Variants in OTUD7A observed in about 807,000 individuals in gnomAD.
OTUD7A encodes OTU deubiquitinase 7A.
Under a neutral mutation model 65.7 loss-of-function variants are expected in OTUD7A, and 12 were observed. The ratio of observed to expected loss-of-function variants is 0.18; its 90% CI spans 0.12 to 0.30. The LOEUF is 0.30. OTUD7A is among the 10% of genes least tolerant of loss of function. The pLI, the probability that OTUD7A is intolerant of heterozygous loss-of-function variation, is 1.00. For synonymous variants in OTUD7A, 641 were observed against 586.3 expected (o/e 1.09, Z -1.35); for missense variants, 1,148 against 1,304.8 (o/e 0.88, Z 1.85).
chr15:31,595,069 T>C (rs1889862376), intron 3 of OTUD7A, among the ~76,000 whole-genome samples: 1 of 152,088 alleles, frequency 6.6e-6, no homozygotes, highest in Non-Finnish European at 1.5e-5. Flanking sequence ...TCTGAAGAAA[T>C]GAGGAAGGGA....
chr15:31,574,399 T>A (rs181851561), intron 3 of OTUD7A, among the ~76,000 whole-genome samples: 6 of 152,332 alleles, frequency 3.9e-5, no homozygotes, highest in African/African-American at 1.4e-4. Flanking sequence ...ATTTTTACAT[T>A]ATCTCTAAAA....
intron 4 of OTUD7A, among the ~76,000 whole-genome samples, chr15:31,566,310 G>A (rs942688336): frequency 1.9e-4 from 29 of 152,258 alleles, no homozygotes; most frequent in Non-Finnish European, 4.1e-4. Context: ...TTGTGTATGG[G>A]AAAATATTCT....
At chr15:31,594,235 C>A (rs185323541) in intron 3 of OTUD7A, among the ~76,000 whole-genome samples, 1 of 152,104 alleles carries the variant, frequency 6.6e-6, no homozygotes, top group East Asian at 1.9e-4. Context: ...GAGATCTGCA[C>A]GGTACTTAAG....
intron 3 of OTUD7A, among the ~76,000 whole-genome samples, chr15:31,605,735 G>A (rs144722415): frequency 9.1e-4 from 138 of 152,310 alleles, no homozygotes; most frequent in Non-Finnish European, 1.3e-4. Flanking sequence ...TGTTGGTTAC[G>A]TAAGCAACTC....
In OTUD7A at chr15:31,487,422, G is replaced by T. The variant is rs367976041; in HGVS notation, c.1286+30C>A. The T allele has an allele frequency of 6.2e-7, 1 of 1,605,490 alleles. No homozygotes were observed. The highest frequency in any genetic ancestry group is 8.5e-7 in the Non-Finnish European group (1 of 1,173,742). On this transcript the variant is annotated intron_variant, in intron 11 of 12. Transcript: ENST00000307050. The surrounding 1 kb of genome is among the most constrained non-coding windows in gnomAD (Gnocchi z 6.0). ...CCCAGCCATAGCCCTCCCTGTGGGC[G>T]CTGGGGAAAGGGACAGAGTAGGATC... is the stretch of plus-strand genomic sequence containing the variant.
intron 1 of OTUD7A, among the ~76,000 whole-genome samples, chr15:31,769,469 T>G (rs936392018): frequency 6.6e-6 from 1 of 152,222 alleles, no homozygotes; most frequent in African/African-American, 2.4e-5. Flanking sequence ...AGATACTTAT[T>G]CTAGGGAAAT....
At chr15:31,741,429 C>G (rs1431963872) in intron 1 of OTUD7A, among the ~76,000 whole-genome samples, 1 of 152,096 alleles carries the variant, frequency 6.6e-6, no homozygotes. Flanking sequence ...TGCTGCACCC[C>G]AGAACTTCAT....
intron 1 of OTUD7A, among the ~76,000 whole-genome samples, chr15:31,791,101 A>AC (rs1260545436): frequency 6.6e-5 from 10 of 152,106 alleles, no homozygotes; most frequent in Middle Eastern, 3.2e-3. Flanking sequence ...ATCTCGGCTC[A>AC]CTGCAACCTC....
chr15:31,507,959 G>A (rs2041608042), intron 8 of OTUD7A, among the ~76,000 whole-genome samples: 1 of 152,118 alleles, frequency 6.6e-6, no homozygotes, highest in South Asian at 2.1e-4. Context: ...AAGTGTTAGG[G>A]GTAATTGTGT....
intron 1 of OTUD7A, among the ~76,000 whole-genome samples, chr15:31,779,306 G>A (rs1340013844): frequency 6.6e-6 from 1 of 152,176 alleles, no homozygotes; most frequent in Non-Finnish European, 1.5e-5. Flanking sequence ...CGTCACGCTG[G>A]CACTAATGCA....
intron 1 of OTUD7A, among the ~76,000 whole-genome samples, chr15:31,749,281 T>A (rs1419127922): frequency 6.6e-6 from 1 of 152,108 alleles, no homozygotes; most frequent in Non-Finnish European, 1.5e-5. Context: ...AAACTTAAAG[T>A]ATAATAAAAA....
At chr15:31,700,594 C>T (rs1893192238) in intron 1 of OTUD7A, among the ~76,000 whole-genome samples, 1 of 152,226 alleles carries the variant, frequency 6.6e-6, no homozygotes, top group Non-Finnish European at 1.5e-5. Flanking sequence ...CTCACCTCTT[C>T]TCCCCAATTC....
At chr15:31,853,596 A>G (rs1301436135) in intron 1 of OTUD7A, among the ~76,000 whole-genome samples, 1 of 152,248 alleles carries the variant, frequency 6.6e-6, no homozygotes, top group Non-Finnish European at 1.5e-5. Context: ...ATACAGAAGC[A>G]TGGCCACTGA....
chr15:31,681,373 G>A (rs1440937108), intron 1 of OTUD7A, among the ~76,000 whole-genome samples: 2 of 152,016 alleles, frequency 1.3e-5, no homozygotes, highest in Admixed American at 1.3e-4. Flanking sequence ...TTGTCAGTAT[G>A]TCTGTAGGTC....
intron 1 of OTUD7A, among the ~76,000 whole-genome samples, chr15:31,714,419 A>G (rs971753338): frequency 6.6e-6 from 1 of 152,156 alleles, no homozygotes. Context: ...AAGACTGAAT[A>G]AAGGAGAAAG....
At chr15:31,528,264 G>T (rs552270827) in intron 6 of OTUD7A, among the ~76,000 whole-genome samples, 1 of 152,332 alleles carries the variant, frequency 6.6e-6, no homozygotes, top group Non-Finnish European at 1.5e-5. Context: ...AGACATAGGA[G>T]CAAAGGCTCA....
At chr15:31,685,363 T>C (rs1892811198) in intron 1 of OTUD7A, among the ~76,000 whole-genome samples, 1 of 152,130 alleles carries the variant, frequency 6.6e-6, no homozygotes, top group Non-Finnish European at 1.5e-5. Context: ...TCCCAGTTAC[T>C]GGCTGGGTGC....
chr15:31,808,136 C>CACACACACACACACACA (rs772574742), intron 1 of OTUD7A, among the ~76,000 whole-genome samples: 1 of 119,418 alleles, frequency 8.4e-6, no homozygotes, highest in Non-Finnish European at 1.9e-5. Flanking sequence ...CACACACACA[C>CACACACACACACACACA]AAACAAATCC....
intron 1 of OTUD7A, among the ~76,000 whole-genome samples, chr15:31,716,742 G>A (rs1893596946): frequency 6.7e-6 from 1 of 149,420 alleles, no homozygotes; most frequent in Non-Finnish European, 1.5e-5. Context: ...GACTTCCCAG[G>A]GCTAGGTACC....
Sources: gnomAD v4.1 joint callset for allele counts (sites outside exome capture counted in the v4.1 genomes callset) on GRCh38, gnomAD v4.1.1 for gene constraint, Gnocchi (gnomAD v3.1) non-coding constraint, MANE v1.5 for transcripts, NCBI Gene and HGNC (gene_info 2026-07-23, HGNC 2026-07-21) for gene names.